The following KMT2B variants were observed in gnomAD, a reference collection of about 807,000 sequenced individuals.
KMT2B encodes the protein lysine methyltransferase 2B.
KMT2B carries 22 observed loss-of-function variants against 255.3 expected under a neutral mutation model. The ratio of observed to expected loss-of-function variants is 0.09; its 90% CI spans 0.06 to 0.12. KMT2B has a LOEUF of 0.12. Among genes scored for constraint, KMT2B ranks in the 10% least tolerant of loss-of-function variants. KMT2B has a pLI of 1.00. For missense variants in KMT2B, 3,149 were observed against 3,737.0 expected (o/e 0.84, Z 4.10); for synonymous variants, 1,730 against 1,498.1 (o/e 1.15, Z -3.57).
chr19:35,728,670 G>A, intron 19 of KMT2B, 104 bp from the exon 20 acceptor site: 1 of 789,842 alleles, frequency 1.3e-6, no homozygotes, highest in South Asian at 1.5e-5. Context: ...TCCACATAGA[G>A]AGGGAGTAGC....
intron 3 of KMT2B, 24 bp downstream of exon 3, chr19:35,721,828 C>T (rs757042240): frequency 2.6e-6 from 4 of 1,535,218 alleles, no homozygotes; most frequent in African/African-American, 2.7e-5. Context: ...CTGGGCCCAG[C>T]GGCACACCCA....
At position 35,725,803 on chromosome 19, in the gene KMT2B, C is replaced by T. The variant is rs1353788772; in HGVS notation, c.3870C>T (p.Arg1290=). 6.3e-7 allele frequency: 1 copy of T among 1,580,186 alleles called. No homozygotes were observed. The highest frequency in any genetic ancestry group is 2.3e-5 in the East Asian group (1 of 42,600). ...CCAGCTATCCAACCCGGGCCACGCG[C>T]AAACGGCGCCACTGGGTGAGAGATG... ...LGPSYPTRAT[R]KRRHWICSAC... is the part of the protein sequence containing the mutation. Residue 1290 remains arginine (R), a synonymous_variant, in exon 13 of 37, where the codon CGC becomes CGT. Transcript: ENST00000420124. The surrounding 1 kb of genome is among the most constrained non-coding windows in gnomAD (Gnocchi z 4.1).
Position 35,719,939 on chromosome 19 carries a change from C to T in KMT2B, c.592C>T (p.Arg198Trp), listed in dbSNP as rs1486195468. The change falls in exon 3 of 37, where the codon CGG becomes TGG. Residue 198 changes from arginine (R) to tryptophan (W), a missense_variant. By Grantham distance (101) the Arg-to-Trp change is moderately radical (BLOSUM62 -3). Coordinates refer to ENST00000420124, the MANE Select transcript of KMT2B (RefSeq NM_014727.3). Reference sequence around the variant, plus strand: ...GGTGCAGGCACTGACTGAACTTCTCCGGCGGGCCCAGGCACCCCAAGCACC... The same window carrying T: ...GGTGCAGGCACTGACTGAACTTCTCTGGCGGGCCCAGGCACCCCAAGCACC... ...RMVQALTELLRRAQAPQAPRS... is the reference protein window; with the variant it reads ...RMVQALTELLWRAQAPQAPRS... 8 of 1,613,314 alleles carry T rather than the reference C, an allele frequency of 5.0e-6. No individual in the cohort carries two copies. Among genetic ancestry groups the T allele is most frequent in the East Asian group, 2.2e-5 (1 of 44,868 alleles).
chr19:35,720,480 G>A lies in KMT2B; in HGVS notation c.1133G>A (p.Gly378Glu), dbSNP rs1223932557. 1.3e-6 allele frequency: 2 copies of A among 1,551,778 alleles called. No individual in the cohort carries two copies. The highest frequency in any genetic ancestry group is 8.7e-7 in the Non-Finnish European group (1 of 1,147,030). ...GAAGAAGAAGAAAAAGACAAGGAGG[G>A]AGAAGAGAAGGAAGAAAGAGCTGTA... ...KKEEEEKDKE[G>E]EEKEERAVAE... Residue 378 changes from glycine (G) to glutamate (E), a missense_variant, in exon 3 of 37, where the codon GGA (glycine) becomes GAA (glutamate). Around this residue, in one of 18 missense-constraint regions of KMT2B, gnomAD observed 1,188 missense variants for 1,106.4 expected, o/e 1.07. Transcript: ENST00000420124.
Position 35,727,857 on chromosome 19 carries a change from A to G in KMT2B, c.4393-24A>G, listed in dbSNP as rs774848421. The G allele has an allele frequency of 7.4e-6, 12 of 1,610,896 alleles. No homozygotes were observed. The highest frequency in any genetic ancestry group is 1.7e-5 in the Admixed American group (1 of 59,878). Reference sequence around the variant, plus strand: ...GGCTGGAATTGTGCAGAGGGGACTCAGTCTCTGACAAACCCCCTTACAGCA... The same window carrying G: ...GGCTGGAATTGTGCAGAGGGGACTCGGTCTCTGACAAACCCCCTTACAGCA... On this transcript the variant is annotated intron_variant, in intron 17 of 36. Transcript: ENST00000420124. The surrounding 1 kb of genome is among the most constrained non-coding windows in gnomAD (Gnocchi z 4.2).
At chr19:35,719,654 T>C in intron 2 of KMT2B, 113 bp downstream of exon 2, 1 of 1,515,482 alleles carries the variant, frequency 6.6e-7, no homozygotes. Context: ...GTGTTCTGTG[T>C]TCAGAGTCCA....
intron 13 of KMT2B, among the ~76,000 whole-genome samples, 159 bp from the exon 14 acceptor site, chr19:35,726,077 C>T (rs1181499330): frequency 6.6e-6 from 1 of 152,184 alleles, no homozygotes; most frequent in Non-Finnish European, 1.5e-5. Context: ...CTCTCCTGCC[C>T]TCATGTTCCT....
chr19:35,737,007 G>C lies in KMT2B; in HGVS notation c.7372+21G>C, dbSNP rs559838858. On this transcript the variant is annotated intron_variant, in intron 32 of 36. Transcript: ENST00000420124. The surrounding 1 kb of genome is among the most constrained non-coding windows in gnomAD (Gnocchi z 5.3). ...TAGTGGTAAGGAGTGGGCCCCACAG[G>C]GGGCAGGGAGCTGGATGTCTCCCCG... The C allele has an allele frequency of 3.1e-6, 5 of 1,612,146 alleles. No homozygotes were observed. The Admixed American group carries it at 6.7e-5, about 22-fold the overall frequency.
At position 35,730,335 on chromosome 19, in the gene KMT2B, C is replaced by G; in HGVS notation, c.5077-7C>G. 2 of 1,610,014 alleles carry G rather than the reference C, an allele frequency of 1.2e-6. No homozygotes were observed. Among genetic ancestry groups the G allele is most frequent in the South Asian group, 1.1e-5 (1 of 91,040 alleles). On this transcript the variant is annotated splice_region_variant and splice_polypyrimidine_tract_variant and intron_variant, in intron 23 of 36. Coordinates refer to ENST00000420124, the MANE Select transcript of KMT2B (RefSeq NM_014727.3). Reference sequence around the variant, plus strand: ...CAGCCACCTCACTTTGCCACCCCCTCTTCCAGGAAATTGTGAACCCCGATG... The same window carrying G: ...CAGCCACCTCACTTTGCCACCCCCTGTTCCAGGAAATTGTGAACCCCGATG...
At position 35,718,315 on chromosome 19, in the gene KMT2B, G is replaced by T. The variant is rs1356560628; in HGVS notation, c.297G>T (p.Arg99=). 1 of 1,243,002 alleles carries T rather than the reference G, an allele frequency of 8.0e-7. No homozygotes were observed. Among genetic ancestry groups the T allele is most frequent in the Non-Finnish European group, 1.0e-6 (1 of 985,770 alleles). 77.0% of individuals were successfully genotyped at this position (1,243,002 alleles called of 1,614,324 possible). The change falls in exon 1 of 37, where the codon CGG becomes CGT. Residue 99 remains arginine (R), a synonymous_variant. Transcript: ENST00000420124. This position sits in a 1 kb window ranked among gnomAD's most constrained non-coding sequence, Gnocchi z 5.0. ...GGGGCCGGGGACGGGGTCGGGGCCGGGGCTGGGGCCCGAGTCGAGGCTGCG... is the reference window on the plus strand; with the variant it reads ...GGGGCCGGGGACGGGGTCGGGGCCGTGGCTGGGGCCCGAGTCGAGGCTGCG... ...VQRGRGRGRG[R]GWGPSRGCVP...
chr19:35,723,144 G>A lies in KMT2B; in HGVS notation c.2872G>A (p.Gly958Ser). ...CCGGCGCTCACTGCCCTCCCATCAC[G>A]GCAAGAAGATGCGCATGGCTCGATG... ...TPRRSLPSHH[G>S]KKMRMARCGH... The change falls in exon 6 of 37, where the codon GGC becomes AGC. Residue 958 changes from glycine to serine, a missense_variant. Transcript: ENST00000420124. The surrounding 1 kb of genome is among the most constrained non-coding windows in gnomAD (Gnocchi z 7.5). The A allele has an allele frequency of 6.2e-7, 1 of 1,613,514 alleles. No individual in the cohort carries two copies. Among genetic ancestry groups the A allele is most frequent in the Non-Finnish European group, 8.5e-7 (1 of 1,179,862 alleles).
rs1337845319 is a variant in KMT2B, at chr19:35,721,466, T to C, written c.2119T>C (p.Phe707Leu). The change falls in exon 3 of 37, where the codon TTC (phenylalanine) becomes CTC (leucine). Residue 707 changes from phenylalanine to leucine, a missense_variant. By Grantham distance (22) the Phe-to-Leu change is conservative. This residue lies in a region of KMT2B where 1,188 missense variants were observed against 1,106.4 expected (regional missense o/e 1.07). Transcript: ENST00000420124. Reference sequence around the variant, plus strand: ...CACCAACCACCTCAGCCTGCCTCGATTCGCCCCTGTGGTCACCACTCCTGT... The same window carrying C: ...CACCAACCACCTCAGCCTGCCTCGACTCGCCCCTGTGGTCACCACTCCTGT... ...GRTNHLSLPR[F>L]APVVTTPVKA... 1 of 1,612,706 alleles carries C rather than the reference T, an allele frequency of 6.2e-7. No individual in the cohort carries two copies. The highest frequency in any genetic ancestry group is 1.1e-5 in the South Asian group (1 of 91,070).
At chr19:35,729,896 C>G in intron 22 of KMT2B, 71 bp from the exon 23 acceptor site, 1 of 1,468,742 alleles carries the variant, frequency 6.8e-7, no homozygotes, top group Non-Finnish European at 9.2e-7. Context: ...CCCATGCAGA[C>G]TCAGTGACAG....
chr19:35,728,663 A>G, intron 19 of KMT2B, 111 bp from the exon 20 acceptor site: 2 of 764,042 alleles, frequency 2.6e-6, no homozygotes, highest in Admixed American at 2.1e-5. Flanking sequence ...GAGAAATTCC[A>G]CATAGAGAGG....
rs576276813 is a variant in KMT2B, at chr19:35,733,974, C to T, written c.7159+102C>T. On this transcript the variant is annotated intron_variant, in intron 30 of 36. Transcript: ENST00000420124. The surrounding 1 kb of genome is among the most constrained non-coding windows in gnomAD (Gnocchi z 4.3). ...CTCTTTCAAAACCAGTATCTACTCC[C>T]AGGGGCCAAGCCTGAGGCTCGGTGC... 6.2e-5 allele frequency: 50 copies of T among 801,494 alleles called. No homozygotes were observed. The South Asian group carries it at 8.3e-4, about 13-fold the overall frequency. 49.6% of individuals were successfully genotyped at this position (801,494 alleles called of 1,614,324 possible).
Position 35,720,152 on chromosome 19 carries a change from A to G in KMT2B, c.805A>G (p.Lys269Glu). 1 of 1,600,526 alleles carries G rather than the reference A, an allele frequency of 6.2e-7. No individual in the cohort carries two copies. The highest frequency in any genetic ancestry group is 8.5e-7 in the Non-Finnish European group (1 of 1,173,994). The change falls in exon 3 of 37, where the codon AAG becomes GAG. Residue 269 changes from lysine to glutamate, a missense_variant. Transcript: ENST00000420124. ...VKHQTGSWKC[K>E]EGPGPGPGTP... The stretch of plus-strand genomic sequence containing the variant: ...ACATCAGACTGGCAGCTGGAAATGC[A>G]AGGAGGGGCCCGGTCCAGGACCTGG...
chr19:35,726,426 A>G (rs577008242), intron 14 of KMT2B, 73 bp downstream of exon 14: 187 of 990,558 alleles, frequency 1.9e-4, no homozygotes, highest in Non-Finnish European at 2.7e-4. Context: ...AGGCTTTAGC[A>G]CAGACCCTCT....
In KMT2B at chr19:35,725,418, C is replaced by G; in HGVS notation, c.3643-61C>G. ...TCCTTGGGCCCTCTCAGCTGGGTCT[C>G]ATCCCTTGGCCCTCTGGCCTCATGC... On this transcript the variant is annotated intron_variant, in intron 11 of 36. Coordinates refer to ENST00000420124, the MANE Select transcript of KMT2B (RefSeq NM_014727.3). The surrounding 1 kb of genome is among the most constrained non-coding windows in gnomAD (Gnocchi z 4.1). The G allele has an allele frequency of 6.3e-7, 1 of 1,594,436 alleles. No homozygotes were observed. Among genetic ancestry groups the G allele is most frequent in the Non-Finnish European group, 8.5e-7 (1 of 1,170,528 alleles).
At position 35,728,137 on chromosome 19, in the gene KMT2B, C is replaced by G. The variant is rs1018216165; in HGVS notation, c.4537C>G (p.Pro1513Ala). 4 of 1,600,496 alleles carry G rather than the reference C, an allele frequency of 2.5e-6. No homozygotes were observed. The African/African-American group carries it at 5.4e-5, about 21-fold the overall frequency. The change falls in exon 19 of 37, where the codon CCC becomes GCC. Residue 1513 changes from proline to alanine, a missense_variant. This residue lies in a region of KMT2B where 377 missense variants were observed against 471.0 expected (regional missense o/e 0.80). Transcript: ENST00000420124. ...SAFGWFDAHD[P>A]KYWRRSTRLP... ...GTTCGGCTGGTTCGACGCCCACGAC[C>G]CCAAGTACTGGCGACGGAGTACCCG...
Sources: gnomAD v4.1 joint callset for allele counts (sites outside exome capture counted in the v4.1 genomes callset) on GRCh38, gnomAD v4.1.1 for gene constraint, gnomAD v4.1.1 regional missense constraint, Gnocchi (gnomAD v3.1) non-coding constraint, MANE v1.5 for transcripts, NCBI Gene and HGNC (gene_info 2026-07-23, HGNC 2026-07-21) for gene names.